RGSL1: variants seen among roughly 807,000 people sequenced by gnomAD.
RGSL1 encodes the protein regulator of G protein signaling protein-like.
In RGSL1, 97 loss-of-function variants were observed where a neutral mutation model predicts 124.7. The observed-to-expected ratio is 0.78, with a 90% CI of 0.66 to 0.92. The LOEUF (loss-of-function observed/expected upper bound fraction) is 0.92, where lower values mean the gene tolerates loss of function less well. RGSL1 is among the 40% of genes least tolerant of loss of function. The pLI is 0.00. For synonymous variants in RGSL1, 424 were observed against 438.1 expected (o/e 0.97, Z 0.40); for missense variants, 1,233 against 1,288.4 (o/e 0.96, Z 0.66).
chr1:182,504,826 T>C (rs982877123), intron 9 of RGSL1, among the ~76,000 whole-genome samples: 2 of 152,150 alleles, frequency 1.3e-5, no homozygotes, highest in African/African-American at 2.4e-5. Context: ...GGCTCTGTGT[T>C]GGGATGCTCT....
intron 18 of RGSL1, among the ~76,000 whole-genome samples, chr1:182,551,737 CATAT>C (rs77094040): frequency 1.3e-5 from 2 of 151,456 alleles, no homozygotes; most frequent in African/African-American, 4.9e-5. Context: ...AATATGCATA[CATAT>C]ATATATATAC....
At chr1:182,462,216 A>C (rs1652901473) in intron 4 of RGSL1, among the ~76,000 whole-genome samples, 1 of 152,214 alleles carries the variant, frequency 6.6e-6, no homozygotes, top group Non-Finnish European at 1.5e-5. Context: ...TGATATATTC[A>C]AAGTTCTAAA....
chr1:182,487,592 T>C (rs1655186100), intron 6 of RGSL1, among the ~76,000 whole-genome samples: 1 of 152,248 alleles, frequency 6.6e-6, no homozygotes, highest in African/African-American at 2.4e-5. Context: ...GAATTCTTCC[T>C]GGATTTCCCT....
chr1:182,470,185 C>T (rs1481720392), intron 4 of RGSL1, among the ~76,000 whole-genome samples: 1 of 152,100 alleles, frequency 6.6e-6, no homozygotes, highest in Admixed American at 6.6e-5. Context: ...TACTCTCCCA[C>T]AATAAAAATA....
intron 4 of RGSL1, among the ~76,000 whole-genome samples, chr1:182,464,356 G>GA (rs1437759027): frequency 6.6e-6 from 1 of 152,150 alleles, no homozygotes; most frequent in Non-Finnish European, 1.5e-5. Flanking sequence ...ATGAAATAGA[G>GA]AAAATCAGTG....
At chr1:182,516,285 C>T (rs554724695) in intron 9 of RGSL1, among the ~76,000 whole-genome samples, 10 of 152,186 alleles carry the variant, frequency 6.6e-5, no homozygotes, top group Non-Finnish European at 1.3e-4. Context: ...GGCCCTTTGC[C>T]AGGGAACTGC....
chr1:182,529,492 G>A (rs142062804), intron 11 of RGSL1, among the ~76,000 whole-genome samples: 1 of 152,168 alleles, frequency 6.6e-6, no homozygotes, highest in Non-Finnish European at 1.5e-5. Flanking sequence ...TGTTTCCTAA[G>A]GTGGGAGGGT....
chr1:182,460,685 T>A (rs2101997721), intron 4 of RGSL1: 1 of 456,058 alleles, frequency 2.2e-6, no homozygotes, highest in South Asian at 1.5e-5. Context: ...CCCAGGAAGA[T>A]GATGAAATAG....
intron 4 of RGSL1, among the ~76,000 whole-genome samples, chr1:182,468,875 T>G (rs1450672599): frequency 2.6e-5 from 4 of 151,996 alleles, no homozygotes; most frequent in Admixed American, 2.6e-4. Context: ...CTCACATATA[T>G]GGTAAAATGA....
intron 17 of RGSL1, chr1:182,549,887 G>A (rs1226031378): frequency 6.6e-6 from 1 of 152,140 alleles, no homozygotes; most frequent in Non-Finnish European, 1.5e-5. Flanking sequence ...CTCCTAGCAA[G>A]GACTAAGTAG....
In RGSL1 at chr1:182,553,466, A is replaced by G; in HGVS notation, c.3055A>G (p.Ile1019Val). 2 of 1,551,962 alleles carry G rather than the reference A, an allele frequency of 1.3e-6. No individual in the cohort carries two copies. Among genetic ancestry groups the G allele is most frequent in the South Asian group, 1.2e-5 (1 of 84,026 alleles). The stretch of plus-strand genomic sequence containing the variant: ...TTGTCCTTCCCCAGGAGACAATGCC[A>G]TCTTAAGGTTCACCTTGCTCAGAGG... ...YPFSSGGDNA[I>V]LRFTLLRGIE... The change falls in exon 19 of 22, where the codon ATC becomes GTC. Residue 1019 changes from isoleucine to valine, a missense_variant. Physicochemically the swap from Ile to Val is conservative, Grantham distance 29. Transcript: ENST00000294854.
At chr1:182,468,762 TAAAAA>T (rs1653565283) in intron 4 of RGSL1, among the ~76,000 whole-genome samples, 1 of 151,192 alleles carries the variant, frequency 6.6e-6, no homozygotes, top group Admixed American at 6.6e-5. Flanking sequence ...TAAAGTATAA[TAAAAA>T]TAAAATAAAA....
chr1:182,477,407 C>G (rs142678547), intron 6 of RGSL1, among the ~76,000 whole-genome samples: 183 of 152,274 alleles, frequency 1.2e-3, no homozygotes, highest in African/African-American at 4.1e-3. Context: ...GCCCTGTGAC[C>G]CAGCTCCACA....
rs976281390 is a variant in RGSL1, at chr1:182,489,126, G to T, written c.1641G>T (p.Trp547Cys). ...ADMKEMDYRQ[W>C]RKIATEDLKQ... is the part of the protein sequence containing the mutation. The stretch of plus-strand genomic sequence containing the variant: ...TGAAGGAAATGGACTATAGGCAGTG[G>T]CGAAAGATAGCTACTGAGGACCTGA... Residue 547 changes from tryptophan (W) to cysteine (C), a missense_variant, in exon 8 of 22, where the codon TGG becomes TGT. By Grantham distance (215) the Trp-to-Cys change is radical. Transcript: ENST00000294854. The T allele has an allele frequency of 1.3e-6, 2 of 1,551,598 alleles. No individual in the cohort carries two copies. The highest frequency in any genetic ancestry group is 2.7e-5 in the African/African-American group (2 of 73,038).
chr1:182,518,198 C>A (rs1029438392), intron 9 of RGSL1, among the ~76,000 whole-genome samples: 1 of 152,064 alleles, frequency 6.6e-6, no homozygotes, highest in Non-Finnish European at 1.5e-5. Flanking sequence ...CACCACTATA[C>A]CCAGCTAATT....
intron 14 of RGSL1, among the ~76,000 whole-genome samples, chr1:182,533,723 A>G (rs1421758425): frequency 6.6e-6 from 1 of 152,236 alleles, no homozygotes; most frequent in African/African-American, 2.4e-5. Context: ...TATGCTTGGC[A>G]ATAGCACATG....
At chr1:182,537,273 C>A (rs1055064623) in intron 14 of RGSL1, among the ~76,000 whole-genome samples, 7 of 151,966 alleles carry the variant, frequency 4.6e-5, no homozygotes, top group Non-Finnish European at 1.0e-4. Flanking sequence ...TATTCAGTGT[C>A]CCCAAGGAAA....
At chr1:182,529,643 A>G (rs547903577) in intron 11 of RGSL1, among the ~76,000 whole-genome samples, 8 of 152,216 alleles carry the variant, frequency 5.3e-5, no homozygotes, top group East Asian at 1.9e-4. Context: ...AAGAAAATAA[A>G]TTTTTATGAA....
chr1:182,548,842 T>C lies in RGSL1; in HGVS notation c.2933+18T>C. 3 of 1,551,170 alleles carry C rather than the reference T, an allele frequency of 1.9e-6. No homozygotes were observed. Among genetic ancestry groups the C allele is most frequent in the Non-Finnish European group, 2.6e-6 (3 of 1,146,724 alleles). On this transcript the variant is annotated intron_variant, in intron 17 of 21. Coordinates refer to ENST00000294854, the MANE Select transcript of RGSL1 (RefSeq NM_001137669.2). ...TGGAAAAGGTAACTGTTTCTCCTTA[T>C]TCAGTGACTGTTAGGTCAGGAAAAC...
Sources: gnomAD v4.1 joint callset for allele counts (sites outside exome capture counted in the v4.1 genomes callset) on GRCh38, gnomAD v4.1.1 for gene constraint, MANE v1.5 for transcripts, NCBI Gene and HGNC (gene_info 2026-07-23, HGNC 2026-07-21) for gene names.